The following KDM4B variants were observed in gnomAD, a reference collection of about 807,000 sequenced individuals.
The protein encoded by KDM4B is lysine-specific demethylase 4B.
Under a neutral mutation model 125.2 loss-of-function variants are expected in KDM4B, and 32 were observed. The ratio of observed to expected loss-of-function variants is 0.26; its 90% CI spans 0.19 to 0.34. The LOEUF (loss-of-function observed/expected upper bound fraction) is 0.34, where lower values mean the gene tolerates loss of function less well. KDM4B is among the 10% of genes least tolerant of loss of function. The probability of loss-of-function intolerance (pLI) is 1.00; values close to 1 mark genes in which losing one functional copy is unlikely to be tolerated. For synonymous variants in KDM4B, 721 were observed against 677.9 expected (o/e 1.06, Z -0.99); for missense variants, 1,190 against 1,577.7 (o/e 0.75, Z 4.16).
At chr19:5,050,021 C>A (rs1385524857) in intron 6 of KDM4B, among the ~76,000 whole-genome samples, 1 of 152,288 alleles carries the variant, frequency 6.6e-6, no homozygotes, top group Admixed American at 6.5e-5. Context: ...TTCCTCGGGC[C>A]CTTGGGGTAG....
intron 9 of KDM4B, among the ~76,000 whole-genome samples, chr19:5,104,120 C>G (rs2038989927): frequency 6.6e-6 from 1 of 152,198 alleles, no homozygotes; most frequent in South Asian, 2.1e-4. Context: ...GAATCCCTGG[C>G]CAATGAGTCC....
In KDM4B at chr19:5,067,743, C is replaced by T. The variant is rs112647079; in HGVS notation, c.627-3267C>T. ...AGAGGAGGTAGGCTGGGAGCAGGCC[C>T]GGTTGGGGACCAGTGGCCCCTGCAC... On this transcript the variant is annotated intron_variant, in intron 6 of 22. Transcript: ENST00000159111. Among the ~76,000 whole-genome samples the T allele has an allele frequency of 1.5e-3, 233 of 152,254 alleles. 2 individuals are homozygous for T. The highest frequency in any genetic ancestry group is 5.3e-3 in the African/African-American group (222 of 41,548).
In KDM4B at chr19:5,026,867, G is replaced by GA. The variant is rs1365384276; in HGVS notation, c.-25-5999_-25-5998insA. Reference sequence around the variant, plus strand: ...CCCCTGCCCTGGTGTCCCCATAGGAGCTGACTGCCGCCCCCTTTCTGCAGC... The same window carrying GA: ...CCCCTGCCCTGGTGTCCCCATAGGAGACTGACTGCCGCCCCCTTTCTGCAGC... On this transcript the variant is annotated intron_variant, in intron 2 of 22. Transcript: ENST00000159111. Among the ~76,000 whole-genome samples the GA allele has an allele frequency of 1.7e-3, 257 of 152,326 alleles. 3 individuals carry two copies. Among genetic ancestry groups the GA allele is most frequent in the African/African-American group, 5.7e-3 (238 of 41,574 alleles).
At chr19:5,008,591 CTTTTTTTTTTTT>C (rs550611814) in intron 1 of KDM4B, among the ~76,000 whole-genome samples, 2 of 135,550 alleles carry the variant, frequency 1.5e-5, no homozygotes, top group Non-Finnish European at 3.2e-5. Flanking sequence ...TTTTCTTTTT[CTTTTTTTTTTTT>C]TTTTTGAGAC....
At chr19:5,129,030 CAG>C (rs1413381382) in intron 11 of KDM4B, among the ~76,000 whole-genome samples, 1 of 152,166 alleles carries the variant, frequency 6.6e-6, no homozygotes, top group Non-Finnish European at 1.5e-5. Flanking sequence ...TCAGGACTAG[CAG>C]GGGTGGGGGC....
chr19:5,151,373 G>A lies in KDM4B; in HGVS notation c.3153G>A (p.Ser1051=), dbSNP rs201917119. ...GGGCACCGCAGGAGCCCGCCTTCTC[G>A]GGGGAGGAGGCCAAGGCCGCCAAGC... is the stretch of plus-strand genomic sequence containing the variant. ...STGAPQEPAF[S]GEEAKAAKRP... is the part of the protein sequence containing the mutation. Residue 1051 remains serine, a synonymous_variant, in exon 23 of 23, where the codon TCG becomes TCA. Transcript: ENST00000159111. 6.2e-4 allele frequency: 987 copies of A among 1,587,112 alleles called. 9 individuals carry two copies. The highest frequency in any genetic ancestry group is 3.0e-4 in the African/African-American group (22 of 73,188).
intron 9 of KDM4B, among the ~76,000 whole-genome samples, chr19:5,101,387 A>G (rs1200301913): frequency 6.7e-6 from 1 of 150,278 alleles, no homozygotes; most frequent in Admixed American, 6.6e-5. Context: ...GACTAGGTGC[A>G]GTGGCTCATG....
At chr19:5,007,531 T>C (rs965174242) in intron 1 of KDM4B, among the ~76,000 whole-genome samples, 8 of 144,500 alleles carry the variant, frequency 5.5e-5, no homozygotes, top group Admixed American at 3.6e-4. Context: ...GTCTTTTCAC[T>C]TTCTCTCTCT....
In KDM4B at chr19:5,132,806, C is replaced by G. The variant is rs568256376; in HGVS notation, c.1906+799C>G. On this transcript the variant is annotated intron_variant, in intron 13 of 22. Coordinates refer to ENST00000159111, the MANE Select transcript of KDM4B (RefSeq NM_015015.3). ...TCACGGCCCCAGAACCCCAGGCATT[C>G]TGGGGTTGTGAGTGACAGACGCAGC... Among the ~76,000 whole-genome samples, 163 of 152,296 alleles carry G rather than the reference C, an allele frequency of 1.1e-3. 2 individuals are homozygous for G. Among genetic ancestry groups the G allele is most frequent in the African/African-American group, 3.6e-3 (150 of 41,568 alleles).
At chr19:5,049,715 C>T (rs1039676030) in intron 6 of KDM4B, among the ~76,000 whole-genome samples, 2 of 152,096 alleles carry the variant, frequency 1.3e-5, no homozygotes, top group African/African-American at 2.4e-5. Context: ...ACCAGGTGAC[C>T]CCAGCATTAG....
At chr19:5,126,584 GTGC>G (rs1212321953) in intron 11 of KDM4B, among the ~76,000 whole-genome samples, 6 of 152,368 alleles carry the variant, frequency 3.9e-5, no homozygotes, top group Admixed American at 3.9e-4. Context: ...TCGCCCCGGA[GTGC>G]TGCTCTCAGG....
intron 7 of KDM4B, among the ~76,000 whole-genome samples, chr19:5,073,245 G>T (rs867208601): frequency 6.6e-6 from 1 of 152,230 alleles, no homozygotes; most frequent in Non-Finnish European, 1.5e-5. Flanking sequence ...CTCACTGAGC[G>T]GTCAGGGAGC....
chr19:5,014,725 C>T (rs921984374), intron 1 of KDM4B, among the ~76,000 whole-genome samples: 2 of 151,970 alleles, frequency 1.3e-5, no homozygotes, highest in Non-Finnish European at 1.5e-5. Flanking sequence ...TTTAAAAGTC[C>T]TGGTGAATTG....
chr19:4,993,861 C>T (rs933022231), intron 1 of KDM4B, among the ~76,000 whole-genome samples: 4 of 152,024 alleles, frequency 2.6e-5, no homozygotes, highest in African/African-American at 9.7e-5. Context: ...ATCCTCCCAC[C>T]TTGGCCTCCT....
intron 11 of KDM4B, among the ~76,000 whole-genome samples, chr19:5,129,577 G>A (rs940011211): frequency 6.6e-6 from 1 of 152,238 alleles, no homozygotes; most frequent in Non-Finnish European, 1.5e-5. Context: ...TTTCCAGCCT[G>A]TTGGGGGAGG....
intron 2 of KDM4B, among the ~76,000 whole-genome samples, chr19:5,019,390 T>TGTGCA (rs2036005328): frequency 6.9e-6 from 1 of 144,180 alleles, no homozygotes. Flanking sequence ...GTGCAGGTGC[T>TGTGCA]GGTGTGGATG....
At chr19:5,046,958 G>C (rs1046161779) in intron 5 of KDM4B, 1 of 154,004 alleles carries the variant, frequency 6.5e-6, no homozygotes, top group Non-Finnish European at 1.4e-5. Context: ...ATGTGCGATG[G>C]GGCCCTTCCT....
At chr19:5,148,470 A>G (rs1407124614) in intron 21 of KDM4B, among the ~76,000 whole-genome samples, 1 of 152,194 alleles carries the variant, frequency 6.6e-6, no homozygotes, top group Non-Finnish European at 1.5e-5. Context: ...GCCAGTTTCC[A>G]CTGAGTTTCT....
chr19:5,086,119 T>C (rs1395285669), intron 9 of KDM4B, among the ~76,000 whole-genome samples: 1 of 152,138 alleles, frequency 6.6e-6, no homozygotes, highest in African/African-American at 2.4e-5. Flanking sequence ...GAGGAGGCTT[T>C]CCACCCCCTC....
Sources: allele counts gnomAD v4.1 joint callset (sites outside exome capture counted in the v4.1 genomes callset), GRCh38; gene constraint gnomAD v4.1.1; transcripts MANE v1.5; gene names NCBI Gene and HGNC (gene_info 2026-07-23, HGNC 2026-07-21).